The following NCR1 variants were observed in gnomAD, a reference collection of about 807,000 sequenced individuals.
NCR1 encodes NK cell-activating receptor.
In NCR1, 30 loss-of-function variants were observed where a neutral mutation model predicts 32.5. That is an observed-to-expected ratio of 0.92 (90% CI 0.69 to 1.25). The LOEUF is 1.25. NCR1 is among the 50% of genes most tolerant of loss of function. The pLI is 0.00. For synonymous variants in NCR1, 169 were observed against 143.4 expected, an observed-to-expected ratio of 1.18 and a Z score of -1.28; for missense variants, 369 against 380.7, an observed-to-expected ratio of 0.97 and a Z score of 0.26.
downstream of NCR1, among the ~76,000 whole-genome samples, chr19:54,917,414 G>A (rs2068157994): frequency 6.6e-6 from 1 of 152,042 alleles, no homozygotes; most frequent in Admixed American, 6.5e-5. Flanking sequence ...CTGCCTGCTG[G>A]GGTCTAGCGA....
chr19:54,913,937 G>A (rs908306761), downstream of NCR1, among the ~76,000 whole-genome samples: 6 of 151,902 alleles, frequency 3.9e-5, no homozygotes, highest in Admixed American at 2.0e-4. Context: ...GTATGGTGGC[G>A]TGTGCTTGTA....
chr19:54,924,528 G>C, the NCR1 span, among the ~76,000 whole-genome samples: 6 of 152,138 alleles, frequency 3.9e-5, no homozygotes, highest in Admixed American at 2.0e-4. Context: ...GGAGGCGGAG[G>C]CAAGAGGATC....
chr19:54,934,619 A>C, the NCR1 span: 4 of 1,613,958 alleles, frequency 2.5e-6, no homozygotes, highest in African/African-American at 1.3e-5. The surrounding 1 kb of genome is among the most constrained non-coding windows in gnomAD (Gnocchi z 6.7). Flanking sequence ...ACATAGAAGA[A>C]TTCAGCCCAC....
intron 5 of NCR1, among the ~76,000 whole-genome samples, chr19:54,910,298 A>G (rs1180735534): frequency 2.0e-5 from 3 of 152,114 alleles, no homozygotes; most frequent in Non-Finnish European, 2.9e-5. Context: ...TAGGCTGGGC[A>G]TCATGGCTCA....
chr19:54,916,124 C>T (rs1031088836), downstream of NCR1: 3 of 151,574 alleles, frequency 2.0e-5, no homozygotes, highest in African/African-American at 7.3e-5. Flanking sequence ...GCTTAATAAA[C>T]TTATGCCGCT....
At chr19:54,934,521 C>G in the NCR1 span, 14 of 1,614,178 alleles carry the variant, frequency 8.7e-6, no homozygotes, top group Non-Finnish European at 1.1e-5. This position sits in a 1 kb window ranked among gnomAD's most constrained non-coding sequence, Gnocchi z 6.7. Context: ...TTGGGCGTGT[C>G]ATGGTCTTGT....
chr19:54,936,433 T>C, the NCR1 span: 23 of 1,613,206 alleles, frequency 1.4e-5, no homozygotes, highest in South Asian at 3.3e-5. Context: ...TTTTTAATCC[T>C]AGGGAAAAGC....
the NCR1 span, chr19:54,936,291 C>G: frequency 1.4e-5 from 22 of 1,613,700 alleles, no homozygotes; most frequent in Non-Finnish European, 1.7e-5. Context: ...TTTATGATTT[C>G]TGAGCAGGTC....
chr19:54,899,805 T>G, the NCR1 span, among the ~76,000 whole-genome samples: 1 of 151,700 alleles, frequency 6.6e-6, no homozygotes, highest in Non-Finnish European at 1.5e-5. Context: ...GAAACGTGGG[T>G]GAATAATCAG....
rs2068048195 is a variant in NCR1, at chr19:54,912,867, T to C, written c.911T>C (p.Leu304Pro). The change falls in exon 7 of 7, where the codon CTT becomes CCT. Residue 304 changes from leucine to proline, a missense_variant. By Grantham distance (98) the Leu-to-Pro change is moderately conservative. Transcript: ENST00000291890. The part of the protein sequence containing the change: ...EGRRRLNTQT[L>P] ...AGGAGAAGGCTGAACACACAGACTC[T>C]TTGAAGAATGACCATGAGACACAGT... is the stretch of plus-strand genomic sequence containing the variant. 1 of 1,612,576 alleles carries C rather than the reference T, an allele frequency of 6.2e-7. No homozygotes were observed. The highest frequency in any genetic ancestry group is 1.3e-5 in the African/African-American group (1 of 74,788).
the NCR1 span, among the ~76,000 whole-genome samples, chr19:54,931,969 T>C: frequency 1.3e-5 from 2 of 152,160 alleles, no homozygotes; most frequent in African/African-American, 4.8e-5. Context: ...GGGTCACTTA[T>C]TTTCTGCGTG....
chr19:54,900,836 T>G, the NCR1 span, among the ~76,000 whole-genome samples: 4 of 152,074 alleles, frequency 2.6e-5, no homozygotes, highest in African/African-American at 9.7e-5. Flanking sequence ...GGCATGGGGT[T>G]CTGAAGGGCA....
At chr19:54,905,590 T>C (rs2067540382), upstream of NCR1, among the ~76,000 whole-genome samples, 1 of 152,172 alleles carries the variant, frequency 6.6e-6, no homozygotes, top group Non-Finnish European at 1.5e-5. Context: ...TTATCCTGTC[T>C]AGTGACCTTG....
intron 2 of NCR1, 50 bp from the exon 3 acceptor site, chr19:54,906,473 G>T: frequency 6.3e-7 from 1 of 1,599,754 alleles, no homozygotes; most frequent in Non-Finnish European, 8.5e-7. Context: ...GGAGCCTAAG[G>T]TTGGGGGGAG....
At chr19:54,924,475 T>C in the NCR1 span, among the ~76,000 whole-genome samples, 1 of 151,662 alleles carries the variant, frequency 6.6e-6, no homozygotes, top group Non-Finnish European at 1.5e-5. Context: ...ATAGAAAAAG[T>C]TAGCCAGGAA....
the NCR1 span, among the ~76,000 whole-genome samples, chr19:54,900,527 C>T: frequency 3.3e-5 from 5 of 152,042 alleles, no homozygotes; most frequent in Non-Finnish European, 7.4e-5. Context: ...AGGCAGGAAC[C>T]GGCCATCTGG....
intron 5 of NCR1, among the ~76,000 whole-genome samples, chr19:54,910,526 G>A (rs992020569): frequency 2.0e-5 from 3 of 152,008 alleles, no homozygotes; most frequent in African/African-American, 7.2e-5. Flanking sequence ...CTGAGATCGC[G>A]CCACTGCATT....
chr19:54,909,172 A>G, intron 3 of NCR1, 73 bp from the exon 4 acceptor site: 1 of 1,466,602 alleles, frequency 6.8e-7, no homozygotes, highest in Non-Finnish European at 9.2e-7. Context: ...TCCATCTCTA[A>G]AGAAAGAAAA....
downstream of NCR1, among the ~76,000 whole-genome samples, chr19:54,916,358 T>C (rs1395349030): frequency 7.0e-6 from 1 of 143,876 alleles, no homozygotes; most frequent in Non-Finnish European, 1.5e-5. Flanking sequence ...TCCTGCTCTG[T>C]CACCCAGGCT....
Sources: gnomAD v4.1 joint callset for allele counts (sites outside exome capture counted in the v4.1 genomes callset) on GRCh38, gnomAD v4.1.1 for gene constraint, Gnocchi (gnomAD v3.1) non-coding constraint, MANE v1.5 for transcripts, NCBI Gene and HGNC (gene_info 2026-07-23, HGNC 2026-07-21) for gene names.